Variants in ZNF385B observed in about 807,000 individuals in gnomAD.
ZNF385B encodes zinc finger protein 385B.
Under a neutral mutation model 39.2 loss-of-function variants are expected in ZNF385B, and 23 were observed. That is an observed-to-expected ratio of 0.59 (90% CI 0.42 to 0.83). The LOEUF (loss-of-function observed/expected upper bound fraction) is 0.83, where lower values mean the gene tolerates loss of function less well. Among genes scored for constraint, ZNF385B ranks in the 40% least tolerant of loss-of-function variants. The pLI, the probability that ZNF385B is intolerant of heterozygous loss-of-function variation, is 0.00. For synonymous variants in ZNF385B, 205 were observed against 222.6 expected (o/e 0.92, Z 0.70); for missense variants, 552 against 598.9 (o/e 0.92, Z 0.82).
intron 3 of ZNF385B, among the ~76,000 whole-genome samples, chr2:179,705,246 G>A (rs541771518): frequency 1.6e-4 from 25 of 152,084 alleles, no homozygotes; most frequent in Non-Finnish European, 3.4e-4. Context: ...GCTAGGAGTG[G>A]GTTCCTGTCC....
chr2:179,576,031 T>C (rs928973647), intron 3 of ZNF385B: 2 of 520,038 alleles, frequency 3.8e-6, no homozygotes, highest in Middle Eastern at 9.3e-4. Flanking sequence ...TTGTATTCTT[T>C]AAGTTAGACG....
In ZNF385B at chr2:179,590,338, G is replaced by A. The variant is rs183266007; in HGVS notation, c.299-45369C>T. ...TAGAATTTGTTTCATGGGATTAAAC[G>A]AGACAATGTATACATGGGGTTTAAG... On this transcript the variant is annotated intron_variant, in intron 3 of 9. Coordinates refer to ENST00000410066, the MANE Select transcript of ZNF385B (RefSeq NM_152520.6). 3.9e-5 allele frequency among the ~76,000 whole-genome samples: 6 copies of A among 152,242 alleles called. No homozygotes were observed. In the East Asian group the frequency reaches 9.6e-4, roughly 24 times the overall value.
intron 3 of ZNF385B, among the ~76,000 whole-genome samples, chr2:179,657,488 A>G (rs182281363): frequency 5.3e-5 from 8 of 152,356 alleles, no homozygotes; most frequent in Admixed American, 5.2e-4. Context: ...ACTGCAAAAT[A>G]TAACTTTTTA....
intron 1 of ZNF385B, among the ~76,000 whole-genome samples, chr2:179,774,585 C>A (rs535000798): frequency 1.3e-5 from 2 of 152,212 alleles, no homozygotes; most frequent in South Asian, 4.2e-4. Context: ...TCTTGATCTC[C>A]TGACCTTGTG....
chr2:179,830,877 A>T (rs1707945811), intron 1 of ZNF385B, among the ~76,000 whole-genome samples: 1 of 152,212 alleles, frequency 6.6e-6, no homozygotes, highest in South Asian at 2.1e-4. Flanking sequence ...ATAATAATGC[A>T]TCAACATTGT....
intron 3 of ZNF385B, among the ~76,000 whole-genome samples, chr2:179,732,218 G>A (rs1701440091): frequency 6.6e-6 from 1 of 152,212 alleles, no homozygotes; most frequent in Non-Finnish European, 1.5e-5. Context: ...TAGGTCAACT[G>A]ATTGTGTCCC....
At chr2:179,818,968 T>C (rs946147047) in intron 1 of ZNF385B, among the ~76,000 whole-genome samples, 1 of 152,042 alleles carries the variant, frequency 6.6e-6, no homozygotes, top group African/African-American at 2.4e-5. Context: ...AATTCGGCTA[T>C]TATTTTGGTG....
At chr2:179,685,862 G>A (rs1308908424) in intron 3 of ZNF385B, among the ~76,000 whole-genome samples, 1 of 152,144 alleles carries the variant, frequency 6.6e-6, no homozygotes, top group East Asian at 1.9e-4. Context: ...TTGATAACCA[G>A]GATGGACTAC....
chr2:179,471,867 C>T (rs2052808659), intron 6 of ZNF385B, among the ~76,000 whole-genome samples: 2 of 152,172 alleles, frequency 1.3e-5, no homozygotes, highest in Non-Finnish European at 2.9e-5. Flanking sequence ...TCATTTCATT[C>T]TGCCCTAATA....
intron 1 of ZNF385B, among the ~76,000 whole-genome samples, chr2:179,785,159 T>A (rs1704917556): frequency 6.6e-6 from 1 of 152,070 alleles, no homozygotes; most frequent in African/African-American, 2.4e-5. Flanking sequence ...CATGAAAACA[T>A]GTAAAACAAA....
chr2:179,534,200 C>CAT (rs569209686), intron 4 of ZNF385B, among the ~76,000 whole-genome samples: 238 of 152,080 alleles, frequency 1.6e-3, no homozygotes, highest in African/African-American at 5.4e-3. Context: ...AGGTCTTAGC[C>CAT]ATATATATAT....
At chr2:179,735,862 T>C (rs1701714556) in intron 3 of ZNF385B, among the ~76,000 whole-genome samples, 1 of 128,928 alleles carries the variant, frequency 7.8e-6, no homozygotes, top group Non-Finnish European at 1.6e-5. Context: ...AATGGGAACA[T>C]CACACTCTGG....
intron 3 of ZNF385B, among the ~76,000 whole-genome samples, chr2:179,720,172 C>T (rs1700590868): frequency 6.6e-6 from 1 of 152,058 alleles, no homozygotes; most frequent in Admixed American, 6.6e-5. Flanking sequence ...AATGCCTTCT[C>T]TCAAAGGGTA....
At chr2:179,465,959 A>T (rs147022456) in intron 6 of ZNF385B, among the ~76,000 whole-genome samples, 63 of 152,302 alleles carry the variant, frequency 4.1e-4, no homozygotes, top group African/African-American at 1.4e-3. Flanking sequence ...TGAAATAAGG[A>T]ATGTCCAATT....
At chr2:179,758,854 C>A (rs1703200615) in intron 3 of ZNF385B, among the ~76,000 whole-genome samples, 1 of 152,204 alleles carries the variant, frequency 6.6e-6, no homozygotes, top group South Asian at 2.1e-4. Context: ...GCACAAGAAC[C>A]ACCTAGCTGA....
intron 1 of ZNF385B, chr2:179,796,095 G>A (rs1441769804): frequency 6.6e-6 from 1 of 152,122 alleles, no homozygotes; most frequent in Non-Finnish European, 1.5e-5. Context: ...TAAGATTGAA[G>A]AGCATGTACT....
intron 6 of ZNF385B, among the ~76,000 whole-genome samples, chr2:179,462,183 A>G (rs1421042536): frequency 6.6e-6 from 1 of 152,208 alleles, no homozygotes; most frequent in East Asian, 1.9e-4. Context: ...TATTATTCCA[A>G]AAAACAAAGC....
At chr2:179,456,321 C>T (rs2050703256) in intron 6 of ZNF385B, among the ~76,000 whole-genome samples, 1 of 152,144 alleles carries the variant, frequency 6.6e-6, no homozygotes, top group Non-Finnish European at 1.5e-5. Context: ...AGGAGTGTCA[C>T]AAAAGATCAT....
In ZNF385B at chr2:179,493,330, CATATGGCATGT is replaced by C. The variant is rs146083237; in HGVS notation, c.553-9907_553-9897del. The stretch of plus-strand genomic sequence containing the variant: ...TAGGCATATGGCATGTATATGTGTA[CATATGGCATGT>C]ATATGGCATGTATATATATATGTAG... On this transcript the variant is annotated intron_variant, in intron 5 of 9. Coordinates refer to ENST00000410066, the MANE Select transcript of ZNF385B (RefSeq NM_152520.6). Among the ~76,000 whole-genome samples the C allele has an allele frequency of 7.1e-4, 108 of 151,572 alleles. No individual in the cohort carries two copies. The East Asian group carries it at 0.02, about 28-fold the overall frequency.
Sources: gnomAD v4.1 joint callset for allele counts (sites outside exome capture counted in the v4.1 genomes callset) on GRCh38, gnomAD v4.1.1 for gene constraint, MANE v1.5 for transcripts, NCBI Gene and HGNC (gene_info 2026-07-23, HGNC 2026-07-21) for gene names.